Variants in JAK2 observed in about 807,000 individuals in gnomAD.
JAK2 encodes Janus kinase 2.
Under a neutral mutation model 139.3 loss-of-function variants are expected in JAK2, and 86 were observed. That is an observed-to-expected ratio of 0.62 (90% CI 0.52 to 0.74). The LOEUF (loss-of-function observed/expected upper bound fraction) is 0.74, where lower values mean the gene tolerates loss of function less well. Ranked by LOEUF, JAK2 falls within the 30% of genes least tolerant of loss-of-function variation. The probability of loss-of-function intolerance (pLI) is 0.00; values close to 1 mark genes in which losing one functional copy is unlikely to be tolerated. For synonymous variants in JAK2, 490 were observed against 437.7 expected, an observed-to-expected ratio of 1.12 and a Z score of -1.49; for missense variants, 1,421 against 1,360.3, an observed-to-expected ratio of 1.04 and a Z score of -0.70.
chr9:5,000,957 C>G (rs1563917240), intron 2 of JAK2, among the ~76,000 whole-genome samples: 1 of 152,108 alleles, frequency 6.6e-6, no homozygotes, highest in African/African-American at 2.4e-5. Flanking sequence ...CCAGGGTCAG[C>G]AAATTCCCAA....
At chr9:5,064,544 AAAAG>A (rs1563969394) in intron 8 of JAK2, among the ~76,000 whole-genome samples, 1 of 152,112 alleles carries the variant, frequency 6.6e-6, no homozygotes, top group Non-Finnish European at 1.5e-5. Context: ...AAAAAAAGAA[AAAAG>A]GAAATGCTCA....
chr9:5,062,992 A>C (rs534761535), intron 8 of JAK2, among the ~76,000 whole-genome samples: 5 of 152,148 alleles, frequency 3.3e-5, no homozygotes, highest in African/African-American at 1.2e-4. Flanking sequence ...TGTAATCTCC[A>C]AGTCTTTTAA....
intron 4 of JAK2, chr9:5,041,596 A>G (rs928315735): frequency 6.0e-6 from 3 of 497,550 alleles, no homozygotes; most frequent in Non-Finnish European, 1.2e-5. Context: ...CTGGACTTTG[A>G]GAAGCCCGAC....
intron 22 of JAK2, chr9:5,112,647 C>G (rs1822713681): frequency 1.0e-6 from 1 of 1,004,738 alleles, no homozygotes; most frequent in Non-Finnish European, 1.4e-6. Context: ...AAGCCCCAGA[C>G]CAAACTCCTT....
At chr9:5,089,916 T>A in intron 20 of JAK2, 53 bp downstream of exon 20, 1 of 1,234,210 alleles carries the variant, frequency 8.1e-7, no homozygotes, top group Non-Finnish European at 1.1e-6. Context: ...TTTGGCATCC[T>A]GTGTAATATA....
intron 8 of JAK2, among the ~76,000 whole-genome samples, chr9:5,060,463 T>C (rs974090748): frequency 6.6e-6 from 1 of 152,222 alleles, no homozygotes; most frequent in Non-Finnish European, 1.5e-5. Context: ...TCTAAATCCT[T>C]TGCTGTCTTT....
chr9:5,072,713 T>G, intron 13 of JAK2, 87 bp downstream of exon 13: 1 of 1,021,092 alleles, frequency 9.8e-7, no homozygotes, highest in East Asian at 2.9e-5. Flanking sequence ...TGTGTGCAGC[T>G]TTTCAAAATT....
intron 22 of JAK2, among the ~76,000 whole-genome samples, chr9:5,103,975 A>G (rs755815446): frequency 5.1e-4 from 77 of 152,228 alleles, no homozygotes; most frequent in Non-Finnish European, 9.1e-4. Context: ...GGAAAGAGCT[A>G]AAATCGACAC....
intron 4 of JAK2, among the ~76,000 whole-genome samples, chr9:5,035,890 G>C (rs1586675698): frequency 6.6e-6 from 1 of 152,212 alleles, no homozygotes; most frequent in Non-Finnish European, 1.5e-5. Flanking sequence ...GGGCAGTCAG[G>C]CTGGAGAAGG....
rs888369460 is a variant in JAK2, at chr9:5,090,449, G to A, written c.2765G>A (p.Arg922Gln). 9 of 1,544,162 alleles carry A rather than the reference G, an allele frequency of 5.8e-6. No homozygotes were observed. Among genetic ancestry groups the A allele is most frequent in the African/African-American group, 2.8e-5 (2 of 72,540 alleles). Residue 922 changes from arginine (R) to glutamine (Q), a missense_variant, in exon 21 of 25, where the codon CGG becomes CAG. Physicochemically the swap from Arg to Gln is conservative, Grantham distance 43. Coordinates refer to ENST00000381652, the MANE Select transcript of JAK2 (RefSeq NM_004972.4). ...ATTTCCACCTTTATGTTAAAAGGTC[G>A]GCGTAATCTAAAATTAATTATGGAA... ...KYKGVCYSAG[R>Q]RNLKLIMEYL... is the part of the protein sequence containing the mutation.
At chr9:5,061,918 C>T (rs1818204773) in intron 8 of JAK2, among the ~76,000 whole-genome samples, 1 of 152,222 alleles carries the variant, frequency 6.6e-6, no homozygotes, top group Middle Eastern at 3.4e-3. Context: ...ATTAATTGGC[C>T]TAATTTCATT....
chr9:5,108,250 C>G (rs900390811), intron 22 of JAK2: 2 of 152,088 alleles, frequency 1.3e-5, no homozygotes, highest in African/African-American at 2.4e-5. Flanking sequence ...ATAGCATTCA[C>G]AGCCACAGAA....
At chr9:5,031,633 A>T (rs1466089430) in intron 4 of JAK2, among the ~76,000 whole-genome samples, 1 of 152,254 alleles carries the variant, frequency 6.6e-6, no homozygotes, top group East Asian at 1.9e-4. Flanking sequence ...AAAAGTCTGA[A>T]TTGGAACTGA....
intron 22 of JAK2, chr9:5,110,695 ACT>A (rs1426823666): frequency 3.0e-6 from 1 of 331,500 alleles, no homozygotes; most frequent in Non-Finnish European, 5.9e-6. Context: ...CCTTTCTATT[ACT>A]CTTACTGCCA....
intron 22 of JAK2, among the ~76,000 whole-genome samples, chr9:5,102,355 G>C (rs1821568570): frequency 6.6e-6 from 1 of 152,076 alleles, no homozygotes; most frequent in African/African-American, 2.4e-5. Context: ...AGAGTAAAAA[G>C]CAACAAGATA....
chr9:5,075,908 G>A (rs1234158145), intron 14 of JAK2, among the ~76,000 whole-genome samples: 1 of 152,136 alleles, frequency 6.6e-6, no homozygotes, highest in African/African-American at 2.4e-5. Context: ...AGCATTCATG[G>A]TTCATGGAAG....
chr9:4,984,813 ACCCG>A (rs1216072507), upstream of JAK2: 1 of 151,744 alleles, frequency 6.6e-6, no homozygotes, highest in Non-Finnish European at 1.5e-5. Flanking sequence ...CCACACACAC[ACCCG>A]CCCATCTAGT....
intron 2 of JAK2, among the ~76,000 whole-genome samples, chr9:5,016,650 T>G (rs554564752): frequency 2.0e-4 from 31 of 152,328 alleles, no homozygotes; most frequent in African/African-American, 7.0e-4. Context: ...ACACCTTTGT[T>G]AACCACTACT....
At chr9:5,124,277 C>A (rs1355444804) in intron 23 of JAK2, among the ~76,000 whole-genome samples, 1 of 151,586 alleles carries the variant, frequency 6.6e-6, no homozygotes, top group Non-Finnish European at 1.5e-5. Flanking sequence ...GCCATGAATT[C>A]TTTGTTTACA....
Sources: allele counts gnomAD v4.1 joint callset (sites outside exome capture counted in the v4.1 genomes callset), GRCh38; gene constraint gnomAD v4.1.1; transcripts MANE v1.5; gene names NCBI Gene and HGNC (gene_info 2026-07-23, HGNC 2026-07-21).